The following SUN1 variants were observed in gnomAD, a reference collection of about 807,000 sequenced individuals.
SUN1 encodes the protein SUN domain-containing protein 1.
Under a neutral mutation model 103.2 loss-of-function variants are expected in SUN1, and 61 were observed. The ratio of observed to expected loss-of-function variants is 0.59; its 90% CI spans 0.48 to 0.73. The LOEUF (loss-of-function observed/expected upper bound fraction) is 0.73. Ranked by LOEUF, SUN1 falls within the 30% of genes least tolerant of loss-of-function variation. The pLI is 0.00. For synonymous variants in SUN1, 490 were observed against 425.7 expected (o/e 1.15, Z -1.86); for missense variants, 1,052 against 1,034.6 (o/e 1.02, Z -0.23).
chr7:847,205 C>T (rs908447888), intron 5 of SUN1, among the ~76,000 whole-genome samples: 2 of 152,104 alleles, frequency 1.3e-5, no homozygotes, highest in Non-Finnish European at 2.9e-5. Context: ...AGTGCGCCAG[C>T]GGAGTTGGCG....
intron 6 of SUN1, 170 bp from the exon 7 acceptor site, chr7:851,780 A>G (rs1369591336): frequency 3.0e-6 from 2 of 659,828 alleles, no homozygotes; most frequent in South Asian, 1.9e-5. Context: ...GTTCATCAGC[A>G]TGATACGTTA....
intron 5 of SUN1, among the ~76,000 whole-genome samples, chr7:844,722 G>A (rs1006155706): frequency 3.3e-5 from 5 of 152,214 alleles, no homozygotes; most frequent in South Asian, 2.1e-4. Context: ...ACCGCTGAGC[G>A]GCCACTCTGC....
In SUN1 at chr7:823,631, C is replaced by T. The variant is rs143414699; in HGVS notation, c.-74+6958C>T. 5.8e-3 allele frequency among the ~76,000 whole-genome samples: 881 copies of T among 152,212 alleles called. 2 individuals carry two copies. The highest frequency in any genetic ancestry group is 0.023 in the South Asian group (109 of 4,828). The stretch of plus-strand genomic sequence containing the variant: ...CACCAGTGCCGTGTGTGCAGGCAGC[C>T]ATGGGGGGAGTCTGTGCGAACAAGG... On this transcript the variant is annotated intron_variant, in intron 1 of 17. Coordinates refer to the SUN1 transcript ENST00000389574.
intron 1 of SUN1, among the ~76,000 whole-genome samples, chr7:835,688 G>T (rs966639030): frequency 1.3e-5 from 2 of 152,232 alleles, no homozygotes; most frequent in African/African-American, 2.4e-5. Context: ...GCTTGAGTCT[G>T]TGCTGTCTGA....
rs1185580049 is a variant in SUN1 at position 852,838 on chromosome 7, T to C, written c.939T>C (p.Asn313=). 1.9e-6 allele frequency: 3 copies of C among 1,613,590 alleles called. No homozygotes were observed. The highest frequency in any genetic ancestry group is 2.5e-6 in the Non-Finnish European group (3 of 1,179,732). Residue 313 remains asparagine, a synonymous_variant, in exon 9 of 19, where the codon AAT becomes AAC. Coordinates refer to ENST00000401592, the MANE Select transcript of SUN1 (RefSeq NM_001130965.3). ...GTCTCTCCTTACGGGGCCAGGGCAA[T>C]TTCTTTTCGTTCTTGCCCGTGTTGA... ...LAGLSLRGQG[N]FFSFLPVLNW... is the part of the protein sequence containing the mutation.
At chr7:871,390 A>G (rs898009260) in intron 17 of SUN1, among the ~76,000 whole-genome samples, 6 of 151,890 alleles carry the variant, frequency 4.0e-5, no homozygotes, top group Non-Finnish European at 8.8e-5. Context: ...TGAGTCTTTC[A>G]GAGGTTTTTA....
At chr7:843,677 G>A (rs1247795178) in intron 5 of SUN1, 157 bp downstream of exon 5, 1 of 1,480,092 alleles carries the variant, frequency 6.8e-7, no homozygotes, top group South Asian at 1.4e-5. Context: ...TGTCCTTCCT[G>A]TCCTCTTCTA....
chr7:842,155 G>A (rs1810649946), intron 3 of SUN1, 25 bp downstream of exon 3: 1 of 1,603,906 alleles, frequency 6.2e-7, no homozygotes, highest in Non-Finnish European at 8.5e-7. Context: ...GACACAGATT[G>A]TCCCGCCTAC....
Position 867,167 on chromosome 7 carries a change from CTGTT to C in SUN1, c.1980+1103_1980+1106del, listed in dbSNP as rs541535389. On this transcript the variant is annotated intron_variant, in intron 16 of 18. Transcript: ENST00000401592. ...CGGCGGAACTGTCCGGTCAGCGTGA[CTGTT>C]TGGCTTTCTGCAGCCATCAGCACCG... Among the ~76,000 whole-genome samples the C allele has an allele frequency of 5.3e-5, 8 of 152,356 alleles. No homozygotes were observed. In the South Asian group the frequency reaches 1.4e-3, roughly 28 times the overall value.
At chr7:852,715 C>T (rs1562707073) in intron 8 of SUN1, 48 bp downstream of exon 8, 2 of 1,613,104 alleles carry the variant, frequency 1.2e-6, no homozygotes, top group Admixed American at 1.7e-5. Flanking sequence ...GCGGTACACA[C>T]ATATGTGTAA....
At chr7:853,367 C>G in intron 9 of SUN1, 42 bp from the exon 10 acceptor site, 1 of 1,606,876 alleles carries the variant, frequency 6.2e-7, no homozygotes, top group Non-Finnish European at 8.5e-7. Flanking sequence ...TGTGCTCATG[C>G]TTGTTTGACT....
intron 1 of SUN1, among the ~76,000 whole-genome samples, chr7:818,418 A>G (rs938582205): frequency 6.6e-6 from 1 of 152,272 alleles, no homozygotes; most frequent in Middle Eastern, 3.4e-3. Context: ...GATATACCAC[A>G]TTATGTTTAT....
intron 1 of SUN1, among the ~76,000 whole-genome samples, chr7:837,691 T>C (rs1479082031): frequency 2.6e-5 from 4 of 152,238 alleles, no homozygotes; most frequent in African/African-American, 9.6e-5. Flanking sequence ...TTTAATACGA[T>C]AGCCTACTGG....
intron 5 of SUN1, chr7:849,520 C>G (rs773795805): frequency 1.5e-6 from 2 of 1,373,700 alleles, no homozygotes; most frequent in Non-Finnish European, 1.9e-6. Context: ...TGTGTTGCAG[C>G]TCATGCCAGT....
chr7:819,336 A>G (rs1783864410), intron 1 of SUN1, among the ~76,000 whole-genome samples: 2 of 151,066 alleles, frequency 1.3e-5, no homozygotes, highest in Non-Finnish European at 3.0e-5. Context: ...AAATTGATGA[A>G]CTCTAAATTG....
chr7:866,276 C>T (rs1398460990), intron 16 of SUN1, among the ~76,000 whole-genome samples: 1 of 152,200 alleles, frequency 6.6e-6, no homozygotes, highest in African/African-American at 2.4e-5. Flanking sequence ...TTGGGTTTAG[C>T]GTCACACAGA....
chr7:852,707 G>C (rs7811913), intron 8 of SUN1, 40 bp downstream of exon 8: 2 of 1,614,060 alleles, frequency 1.2e-6, no homozygotes, highest in Non-Finnish European at 1.7e-6. Flanking sequence ...ATGGCTAAGC[G>C]GTACACACAT....
At chr7:840,236 G>T (rs1807975498) in intron 2 of SUN1, among the ~76,000 whole-genome samples, 2 of 152,190 alleles carry the variant, frequency 1.3e-5, no homozygotes, top group Admixed American at 6.5e-5. Context: ...TGCGCAAAGA[G>T]TTCGATTCCC....
rs766359021 is a variant in SUN1 at position 872,475 on chromosome 7, A to G, written c.2154A>G (p.Leu718=). The G allele has an allele frequency of 6.2e-7, 1 of 1,601,090 alleles. No homozygotes were observed. Among genetic ancestry groups the G allele is most frequent in the South Asian group, 1.1e-5 (1 of 88,352 alleles). ...SAPKDFAVYG[L]ENEYQEEGQL... is the part of the protein sequence containing the mutation. ...GTGTATGGTCTTGTTTTCAGGGATT[A>G]GAAAATGAGTATCAGGAAGAAGGGC... Residue 718 remains leucine, a synonymous_variant, in exon 18 of 19, where the codon TTA becomes TTG. Coordinates refer to ENST00000401592, the MANE Select transcript of SUN1 (RefSeq NM_001130965.3).
Sources: gnomAD v4.1 joint callset for allele counts (sites outside exome capture counted in the v4.1 genomes callset) on GRCh38, gnomAD v4.1.1 for gene constraint, MANE v1.5 for transcripts, NCBI Gene and HGNC (gene_info 2026-07-23, HGNC 2026-07-21) for gene names.